The following APC variants were observed in gnomAD, a reference collection of about 807,000 sequenced individuals.
APC encodes the protein adenomatous polyposis coli protein.
APC carries 72 observed loss-of-function variants against 247.0 expected under a neutral mutation model. The observed-to-expected ratio is 0.29, with a 90% CI of 0.24 to 0.35. APC has a LOEUF of 0.35. APC is among the 10% of genes least tolerant of loss of function. APC has a pLI of 1.00. For missense variants in APC, 3,400 were observed against 3,360.7 expected, an observed-to-expected ratio of 1.01 and a Z score of -0.29; for synonymous variants, 1,254 against 1,162.5, an observed-to-expected ratio of 1.08 and a Z score of -1.60.
At chr5:112,780,753 C>T (rs375405036) in intron 5 of APC, 37 bp from the exon 6 acceptor site, 2 of 1,439,116 alleles carry the variant, frequency 1.4e-6, no homozygotes, top group South Asian at 1.2e-5. Flanking sequence ...AACGTAAATA[C>T]AAGATATTGA....
At position 112,795,591 on chromosome 5, in the gene APC, A is replaced by G. The variant is rs2431514; in HGVS notation, c.729+3062A>G. 0.44 allele frequency among the ~76,000 whole-genome samples: 66,840 copies of G among 151,994 alleles called. 17,153 individuals are homozygous for G. The highest frequency in any genetic ancestry group is 0.69 in the East Asian group (3,538 of 5,148). Reference sequence around the variant, plus strand: ...CCTCATTAGCATAACACACACCCCTATCACTCGAGAAATTCCAAGGGTATT... The same window carrying G: ...CCTCATTAGCATAACACACACCCCTGTCACTCGAGAAATTCCAAGGGTATT... On this transcript the variant is annotated intron_variant, in intron 7 of 15. Transcript: ENST00000257430.
At chr5:112,728,281 C>T (rs1350431741) in intron 1 of APC, among the ~76,000 whole-genome samples, 5 of 152,066 alleles carry the variant, frequency 3.3e-5, no homozygotes, top group African/African-American at 1.2e-4. Flanking sequence ...GCGCCCACCA[C>T]CATGCCTGCC....
Position 112,838,640 on chromosome 5 carries a change from GATA to G in APC, c.3049_3051del (p.Asn1017del), listed in dbSNP as rs730881229. ...AATACATAGTGCAAATCATATGGAT[GATA>G]ATGATGGAGAACTAGATACACCAAT... On this transcript the variant is annotated inframe_deletion, in exon 16 of 16. Transcript: ENST00000257430. 2.5e-6 allele frequency: 4 copies of G among 1,613,986 alleles called. No individual in the cohort carries two copies. Among genetic ancestry groups the G allele is most frequent in the Admixed American group, 1.7e-5 (1 of 60,006 alleles).
At chr5:112,790,300 A>C (rs1759427256) in intron 6 of APC, among the ~76,000 whole-genome samples, 1 of 150,434 alleles carries the variant, frequency 6.6e-6, no homozygotes, top group South Asian at 2.1e-4. Context: ...TTCTTGTTTT[A>C]TTTGGGTTTT....
rs138137162 is a variant in APC, at chr5:112,843,380, T to G, written c.7786T>G (p.Ser2596Ala). The G allele has an allele frequency of 1.0e-4, 162 of 1,613,604 alleles. No individual in the cohort carries two copies. Among genetic ancestry groups the G allele is most frequent in the Non-Finnish European group, 1.3e-4 (153 of 1,179,786 alleles). The change falls in exon 16 of 16, where the codon TCA (serine) becomes GCA (alanine). Residue 2596 changes from serine (S) to alanine (A), a missense_variant. Transcript: ENST00000257430. The surrounding 1 kb of genome is among the most constrained non-coding windows in gnomAD (Gnocchi z 4.8). ...GGATGAAAAACATGTGAACTCTATT[T>G]CAGGAACCAAACAAAGTAAAGAAAA... ...SEDEKHVNSI[S>A]GTKQSKENQV...
At chr5:112,774,116 A>G (rs1243432964) in intron 4 of APC, among the ~76,000 whole-genome samples, 2 of 152,194 alleles carry the variant, frequency 1.3e-5, no homozygotes, top group Middle Eastern at 3.2e-3. Flanking sequence ...TGTTTATAAT[A>G]ACAAAAGATT....
At chr5:112,812,451 C>A (rs1466057481) in intron 8 of APC, among the ~76,000 whole-genome samples, 2 of 152,096 alleles carry the variant, frequency 1.3e-5, no homozygotes, top group Non-Finnish European at 2.9e-5. Flanking sequence ...TCCTTATGTT[C>A]AGATTTATTT....
Position 112,842,385 on chromosome 5 carries a change from G to C in APC, c.6791G>C (p.Gly2264Ala), listed in dbSNP as rs1377049989. The change falls in exon 16 of 16, where the codon GGT (glycine) becomes GCT (alanine). Residue 2264 changes from glycine (G) to alanine (A), a missense_variant. Physicochemically the swap from Gly to Ala is moderately conservative, Grantham distance 60. This residue lies in a region of APC where 1,788 missense variants were observed against 1,649.5 expected (regional missense o/e 1.08). Transcript: ENST00000257430. ...CCAGCCTCCAAAAGCCCTAGTGAAG[G>C]TCAAACAGCCACCACTTCTCCTAGA... ...KTPASKSPSE[G>A]QTATTSPRGA... 4 of 1,614,044 alleles carry C rather than the reference G, an allele frequency of 2.5e-6. No homozygotes were observed. The highest frequency in any genetic ancestry group is 3.4e-6 in the Non-Finnish European group (4 of 1,179,958).
intron 6 of APC, among the ~76,000 whole-genome samples, chr5:112,787,618 C>G (rs768858979): frequency 6.6e-6 from 1 of 152,130 alleles, no homozygotes; most frequent in Non-Finnish European, 1.5e-5. Flanking sequence ...CCTCATATCC[C>G]TTGCTCATTC....
At chr5:112,823,204 A>G (rs995430747) in intron 11 of APC, 2 of 152,684 alleles carry the variant, frequency 1.3e-5, no homozygotes, top group Non-Finnish European at 2.9e-5. Flanking sequence ...TATTCTGTAA[A>G]TGTTCCTGTA....
At chr5:112,764,946 AAATGT>A (rs1756105914) in intron 2 of APC, among the ~76,000 whole-genome samples, 1 of 152,330 alleles carries the variant, frequency 6.6e-6, no homozygotes, top group Admixed American at 6.5e-5. Flanking sequence ...TCTATTCCAC[AAATGT>A]AAAACACTCT....
intron 15 of APC, among the ~76,000 whole-genome samples, chr5:112,835,418 A>C (rs1178358702): frequency 3.3e-5 from 5 of 152,196 alleles, no homozygotes; most frequent in Admixed American, 6.5e-5. Flanking sequence ...AGGAAAAAAT[A>C]GTCACAAATA....
chr5:112,723,216 G>A (rs911005775), intron 1 of APC, among the ~76,000 whole-genome samples: 5 of 152,126 alleles, frequency 3.3e-5, no homozygotes, highest in East Asian at 1.9e-4. Context: ...GGTGGCTCAC[G>A]CCTGTAATCC....
At chr5:112,783,973 A>G (rs545449803) in intron 6 of APC, among the ~76,000 whole-genome samples, 2 of 151,300 alleles carry the variant, frequency 1.3e-5, no homozygotes, top group African/African-American at 4.8e-5. Context: ...TTTTTTGCCT[A>G]TCAGCTGCCC....
At chr5:112,795,086 G>C (rs551910744) in intron 7 of APC, among the ~76,000 whole-genome samples, 1 of 152,254 alleles carries the variant, frequency 6.6e-6, no homozygotes, top group African/African-American at 2.4e-5. Context: ...GAGTGCAGTG[G>C]CGTGATCTTG....
At position 112,761,602 on chromosome 5, in the gene APC, GA is replaced by G. The variant is rs993123279; in HGVS notation, c.136-4717del. ...GAAAATATTCAAACTGAAGCACAGA[GA>G]AAAAAATGGAAAAAACAAAAAAGAC... On this transcript the variant is annotated intron_variant, in intron 2 of 15. Coordinates refer to ENST00000257430, the MANE Select transcript of APC (RefSeq NM_000038.6). Among the ~76,000 whole-genome samples the G allele has an allele frequency of 1.8e-4, 28 of 151,830 alleles. 1 individual carries two copies. The highest frequency in any genetic ancestry group is 1.5e-3 in the Admixed American group (23 of 15,252).
intron 11 of APC, among the ~76,000 whole-genome samples, chr5:112,826,363 G>A (rs185969307): frequency 8.7e-4 from 131 of 150,294 alleles, no homozygotes; most frequent in African/African-American, 2.8e-3. Context: ...TGCTTCCTTT[G>A]TGTCTTTCCC....
chr5:112,835,227 T>G, intron 15 of APC, 62 bp downstream of exon 15: 1 of 1,380,718 alleles, frequency 7.2e-7, no homozygotes, highest in South Asian at 1.2e-5. Flanking sequence ...AAAGACCTAA[T>G]TGTAAGCAAT....
At position 112,730,739 on chromosome 5, in the gene APC, C is replaced by T. The variant is rs147284286; in HGVS notation, c.165+22857C>T. On this transcript the variant is annotated intron_variant, in intron 1 of 13. Transcript: ENST00000507379. The stretch of plus-strand genomic sequence containing the variant: ...CCCCTTTATTATAGGCTGCTGGTCA[C>T]CACAAAATCTGAATCTGCCTTTGGC... Among the ~76,000 whole-genome samples, 579 of 152,150 alleles carry T rather than the reference C, an allele frequency of 3.8e-3. 8 individuals carry two copies. Among genetic ancestry groups the T allele is most frequent in the African/African-American group, 0.013 (521 of 41,528 alleles).
Sources: allele counts gnomAD v4.1 joint callset (sites outside exome capture counted in the v4.1 genomes callset), GRCh38; gene constraint gnomAD v4.1.1; regional missense constraint gnomAD v4.1.1; non-coding constraint Gnocchi (gnomAD v3.1); transcripts MANE v1.5; gene names NCBI Gene and HGNC (gene_info 2026-07-23, HGNC 2026-07-21).